RORC: variants seen among roughly 807,000 people sequenced by gnomAD.
The protein encoded by RORC is nuclear receptor ROR-gamma.
A neutral mutation model predicts 64.5 loss-of-function variants in RORC; 13 were observed. That is an observed-to-expected ratio of 0.20 (90% CI 0.13 to 0.32). The LOEUF (loss-of-function observed/expected upper bound fraction) is 0.32, where lower values mean the gene tolerates loss of function less well. Ranked by LOEUF, RORC falls within the 10% of genes least tolerant of loss-of-function variation. The pLI is 1.00. For missense variants in RORC, 468 were observed against 669.5 expected, an observed-to-expected ratio of 0.70 and a Z score of 3.32; for synonymous variants, 277 against 259.3, an observed-to-expected ratio of 1.07 and a Z score of -0.65.
intron 1 of RORC, chr1:151,831,276 G>T: frequency 6.3e-6 from 3 of 473,022 alleles, no homozygotes; most frequent in Non-Finnish European, 1.1e-5. Context: ...CTCCACTGGT[G>T]AATGAACAGA....
In RORC at chr1:151,830,516, C is replaced by A. The variant is rs1652362095; in HGVS notation, c.41-1058G>T. Among the ~76,000 whole-genome samples the A allele has an allele frequency of 6.6e-6, 1 of 152,024 alleles. No homozygotes were observed. The highest frequency in any genetic ancestry group is 2.4e-5 in the African/African-American group (1 of 41,350). Reference sequence around the variant, plus strand: ...ACAGAACACATGGCCAGTCTTTTGTCTCAGAAAGCCCTTCAACCATGCCCT... The same window carrying A: ...ACAGAACACATGGCCAGTCTTTTGTATCAGAAAGCCCTTCAACCATGCCCT... On this transcript the variant is annotated intron_variant, in intron 1 of 10. Coordinates refer to ENST00000318247, the MANE Select transcript of RORC (RefSeq NM_005060.4). The surrounding 1 kb of genome is among the most constrained non-coding windows in gnomAD (Gnocchi z 4.0).
chr1:151,830,873 C>A lies in RORC; in HGVS notation c.40+852G>T. ...TCCCTGACGTGGCACCGGCTCCTGG[C>A]CTCTAGCCTTGCACCTCAGAGCAGT... On this transcript the variant is annotated intron_variant, in intron 1 of 10. Coordinates refer to ENST00000318247, the MANE Select transcript of RORC (RefSeq NM_005060.4). The surrounding 1 kb of genome is among the most constrained non-coding windows in gnomAD (Gnocchi z 4.0). 8.4e-7 allele frequency: 1 copy of A among 1,192,918 alleles called. No homozygotes were observed. The highest frequency in any genetic ancestry group is 1.1e-6 in the Non-Finnish European group (1 of 917,300). 73.9% of individuals were successfully genotyped at this position (1,192,918 alleles called of 1,614,324 possible). A position where few individuals can be genotyped will look rare whatever the true frequency, so the allele number is the denominator to read the frequency against.
intron 1 of RORC, chr1:151,831,148 C>A: frequency 7.9e-7 from 1 of 1,263,098 alleles, no homozygotes; most frequent in African/African-American, 1.5e-5. Flanking sequence ...GAGATGAAAT[C>A]CCACATCCCT....
Position 151,823,340 on chromosome 1 carries a change from T to C in RORC, c.71-6060A>G, listed in dbSNP as rs1020776599. 2.6e-5 allele frequency among the ~76,000 whole-genome samples: 4 copies of C among 152,222 alleles called. No individual in the cohort carries two copies. The East Asian group carries it at 5.8e-4, about 22-fold the overall frequency. On this transcript the variant is annotated intron_variant, in intron 2 of 10. Transcript: ENST00000318247. The stretch of plus-strand genomic sequence containing the variant: ...CCAAATGCCAGGGCCTGAGTGCCTA[T>C]TGGCGCCACGCTGGCCATGCCCTTA...
Position 151,811,406 on chromosome 1 carries a change from T to C in RORC, c.1314A>G (p.Lys438=), listed in dbSNP as rs1651523728. 1 of 1,613,766 alleles carries C rather than the reference T, an allele frequency of 6.2e-7. No homozygotes were observed. The highest frequency in any genetic ancestry group is 8.5e-7 in the Non-Finnish European group (1 of 1,179,822). The change falls in exon 10 of 11, where the codon AAA becomes AAG. Residue 438 remains lysine (K), a synonymous_variant. Coordinates refer to ENST00000318247, the MANE Select transcript of RORC (RefSeq NM_005060.4). ...CCAGATTGTACTGCAGCTGTTCTAC[T>C]TTCCTTTTCTCTTGGAGCCCTGGCC... ...AHRPGLQEKR[K]VEQLQYNLEL... is the part of the protein sequence containing the mutation.
chr1:151,807,612 G>A lies in RORC; in HGVS notation c.1417C>T (p.Arg473Trp). The stretch of plus-strand genomic sequence containing the variant: ...TCCACATGCTGGCTACACAGGCTCC[G>A]AAGCTTCCCCTTGGGTGGCAGCTGG... ...LAKLPPKGKL[R>W]SLCSQHVERL... is the part of the protein sequence containing the mutation. Residue 473 changes from arginine (R) to tryptophan (W), a missense_variant, in exon 11 of 11, where the codon CGG becomes TGG. Coordinates refer to ENST00000318247, the MANE Select transcript of RORC (RefSeq NM_005060.4). This position sits in a 1 kb window ranked among gnomAD's most constrained non-coding sequence, Gnocchi z 5.0. The A allele has an allele frequency of 1.9e-6, 3 of 1,614,156 alleles. No homozygotes were observed. The highest frequency in any genetic ancestry group is 1.7e-6 in the Non-Finnish European group (2 of 1,180,014).
intron 10 of RORC, among the ~76,000 whole-genome samples, chr1:151,808,325 G>A (rs1651393695): frequency 6.6e-6 from 1 of 152,194 alleles, no homozygotes; most frequent in Admixed American, 6.5e-5. Context: ...CAGCCAAAGG[G>A]GAGATGAAAA....
rs146520783 is a variant in RORC, at chr1:151,815,235, C to T, written c.489G>A (p.Ser163=). 297 of 1,612,264 alleles carry T rather than the reference C, an allele frequency of 1.8e-4. 1 individual carries two copies. In the African/African-American group the frequency reaches 3.2e-3, roughly 17 times the overall value. Residue 163 remains serine, a synonymous_variant, in exon 5 of 11, where the codon TCG becomes TCA. Transcript: ENST00000318247. ...LPDGQLPLGS[S]PDLPEASACP... is the part of the protein sequence containing the mutation. Reference sequence around the variant, plus strand: ...AGGCAGAAGCCTCAGGCAGGTCAGGCGAGGAGCCCAGGGGCAGCTGCCCGT... The same window carrying T: ...AGGCAGAAGCCTCAGGCAGGTCAGGTGAGGAGCCCAGGGGCAGCTGCCCGT...
intron 8 of RORC, 60 bp from the exon 9 acceptor site, chr1:151,813,117 C>T: frequency 6.8e-7 from 1 of 1,476,766 alleles, no homozygotes; most frequent in South Asian, 1.1e-5. Context: ...CCCGAGGACA[C>T]CGCCCTTATT....
chr1:151,814,707 G>C lies in RORC; in HGVS notation c.812-12C>G. The C allele has an allele frequency of 5.0e-6, 8 of 1,601,804 alleles. No homozygotes were observed. The highest frequency in any genetic ancestry group is 6.8e-6 in the Non-Finnish European group (8 of 1,170,736). On this transcript the variant is annotated splice_polypyrimidine_tract_variant and intron_variant, in intron 5 of 10. Transcript: ENST00000318247. ...CTGCACCAGGTGCTCTGGGGCCGGAGAAGGAAGGCATGGCTTGATCTCAGC... is the reference window on the plus strand; with the variant it reads ...CTGCACCAGGTGCTCTGGGGCCGGACAAGGAAGGCATGGCTTGATCTCAGC...
chr1:151,831,007 A>C, intron 1 of RORC: 3 of 1,289,264 alleles, frequency 2.3e-6, no homozygotes, highest in South Asian at 2.5e-5. Context: ...CTCCATGCTC[A>C]CAGCTGACCA....
intron 10 of RORC, among the ~76,000 whole-genome samples, chr1:151,809,101 T>C (rs1195668559): frequency 6.6e-6 from 1 of 152,134 alleles, no homozygotes; most frequent in African/African-American, 2.4e-5. Context: ...ACAGGAGGGC[T>C]GAGAACAGGA....
chr1:151,816,858 A>G (rs1224029826), intron 3 of RORC, 53 bp from the exon 4 acceptor site: 1 of 1,453,884 alleles, frequency 6.9e-7, no homozygotes, highest in East Asian at 2.5e-5. Flanking sequence ...GGCCCAGCTC[A>G]CTCACAAAGG....
intron 2 of RORC, among the ~76,000 whole-genome samples, chr1:151,817,503 G>T (rs1022967800): frequency 1.6e-4 from 24 of 152,324 alleles, no homozygotes; most frequent in African/African-American, 5.1e-4. Flanking sequence ...AGGGGAGTGT[G>T]GAGGGGTGGC....
intron 2 of RORC, among the ~76,000 whole-genome samples, chr1:151,817,823 C>T (rs1348660603): frequency 6.6e-6 from 1 of 152,194 alleles, no homozygotes; most frequent in Non-Finnish European, 1.5e-5. Flanking sequence ...TATACAGAGA[C>T]AGGGTGAGGG....
chr1:151,814,709 A>C lies in RORC; in HGVS notation c.812-14T>G. ...GCACCAGGTGCTCTGGGGCCGGAGA[A>C]GGAAGGCATGGCTTGATCTCAGCCA... On this transcript the variant is annotated splice_polypyrimidine_tract_variant and intron_variant, in intron 5 of 10. Transcript: ENST00000318247. 6.2e-7 allele frequency: 1 copy of C among 1,601,406 alleles called. No individual in the cohort carries two copies. The highest frequency in any genetic ancestry group is 8.5e-7 in the Non-Finnish European group (1 of 1,170,430).
chr1:151,822,019 T>C (rs1652010561), intron 2 of RORC, among the ~76,000 whole-genome samples: 1 of 151,842 alleles, frequency 6.6e-6, no homozygotes, highest in African/African-American at 2.4e-5. Flanking sequence ...ACAGCCCCTT[T>C]AGGGTATAGA....
rs1302715074 is a variant in RORC, at chr1:151,829,430, G to A, written c.69C>T (p.Thr23=). 1.3e-6 allele frequency: 2 copies of A among 1,536,140 alleles called. No individual in the cohort carries two copies. Among genetic ancestry groups the A allele is most frequent in the Non-Finnish European group, 1.7e-6 (2 of 1,149,468 alleles). ...TCTTGCCCCGGACCCCCTACTCACA[G>A]GTGTGGGTCTTCTTTGCAGCCAGCA... ...RELLAAKKTH[T]SQIEVIPCKI... Residue 23 remains threonine, a splice_region_variant and synonymous_variant, in exon 2 of 11, where the codon ACC becomes ACT. Coordinates refer to ENST00000318247, the MANE Select transcript of RORC (RefSeq NM_005060.4).
rs1189493332 is a variant in RORC at position 151,831,020 on chromosome 1, C to G, written c.40+705G>C. 8.5e-6 allele frequency: 11 copies of G among 1,289,356 alleles called. 1 individual carries two copies. The highest frequency in any genetic ancestry group is 3.7e-5 in the South Asian group (3 of 81,028). The allele number at this position is 1,289,356 out of a possible 1,614,324, so 79.9% of individuals were successfully genotyped here. A position where few individuals can be genotyped will look rare whatever the true frequency, so the allele number is the denominator to read the frequency against. On this transcript the variant is annotated intron_variant, in intron 1 of 10. Coordinates refer to ENST00000318247, the MANE Select transcript of RORC (RefSeq NM_005060.4). ...TCCTCCATGCTCACAGCTGACCAAG[C>G]CTGTGGCCCTGCGATCCTGCTCTGA...
Sources: gnomAD v4.1 joint callset for allele counts (sites outside exome capture counted in the v4.1 genomes callset) on GRCh38, gnomAD v4.1.1 for gene constraint, Gnocchi (gnomAD v3.1) non-coding constraint, MANE v1.5 for transcripts, NCBI Gene and HGNC (gene_info 2026-07-23, HGNC 2026-07-21) for gene names.